The following PPFIBP1 variants were observed in gnomAD, a reference collection of about 807,000 sequenced individuals.
PPFIBP1 encodes the protein liprin-beta-1.
A neutral mutation model predicts 137.8 loss-of-function variants in PPFIBP1; 112 were observed. The observed-to-expected ratio is 0.81, with a 90% CI of 0.70 to 0.95. PPFIBP1 has a LOEUF of 0.95. PPFIBP1 is among the 40% of genes least tolerant of loss of function. The pLI is 0.00. For missense variants in PPFIBP1, 1,083 were observed against 1,196.6 expected (o/e 0.91, Z 1.40); for synonymous variants, 378 against 417.3 (o/e 0.91, Z 1.15).
chr12:27,587,696 A>G (rs2051952602), intron 2 of PPFIBP1, among the ~76,000 whole-genome samples: 2 of 150,886 alleles, frequency 1.3e-5, no homozygotes, highest in Non-Finnish European at 2.9e-5. Flanking sequence ...AGAGATCTAT[A>G]CTACTTATTT....
At chr12:27,640,220 C>G (rs1028848575) in intron 4 of PPFIBP1, among the ~76,000 whole-genome samples, 1 of 152,142 alleles carries the variant, frequency 6.6e-6, no homozygotes, top group African/African-American at 2.4e-5. Flanking sequence ...TCCTAGGCCA[C>G]TGGTATTTGT....
chr12:27,602,843 G>C (rs1181549411), intron 2 of PPFIBP1, among the ~76,000 whole-genome samples: 1 of 152,182 alleles, frequency 6.6e-6, no homozygotes, highest in Non-Finnish European at 1.5e-5. Context: ...ATGACTGCCT[G>C]TGTATAGATA....
chr12:27,689,267 T>G, intron 27 of PPFIBP1, 64 bp downstream of exon 27: 1 of 1,450,450 alleles, frequency 6.9e-7, no homozygotes. Context: ...GTCGGTTACC[T>G]GGTTATTCTG....
chr12:27,673,704 T>C, intron 15 of PPFIBP1, 63 bp from the exon 16 acceptor site: 2 of 1,397,034 alleles, frequency 1.4e-6, no homozygotes, highest in South Asian at 1.2e-5. Flanking sequence ...TTCCAAGATG[T>C]TTTACTTAGA....
intron 2 of PPFIBP1, chr12:27,592,861 T>C (rs2052686871): frequency 1.9e-6 from 1 of 536,338 alleles, no homozygotes; most frequent in East Asian, 3.3e-5. Context: ...CCAAGTAGGC[T>C]GGGTGCGATG....
intron 1 of PPFIBP1, among the ~76,000 whole-genome samples, chr12:27,546,339 G>A (rs1946240529): frequency 6.6e-6 from 1 of 152,126 alleles, no homozygotes; most frequent in South Asian, 2.1e-4. Flanking sequence ...GGGCTTTAAG[G>A]ATCAAATGAG....
At chr12:27,538,537 A>G (rs1215443815) in intron 1 of PPFIBP1, among the ~76,000 whole-genome samples, 2 of 152,260 alleles carry the variant, frequency 1.3e-5, no homozygotes, top group Non-Finnish European at 2.9e-5. Context: ...CTGACTCTCA[A>G]AATGGCTCTT....
chr12:27,682,315 A>T, intron 22 of PPFIBP1, 72 bp from the exon 23 acceptor site: 1 of 1,041,394 alleles, frequency 9.6e-7, no homozygotes, highest in Non-Finnish European at 1.5e-6. Flanking sequence ...CATTTTGGAG[A>T]AATTTGCATC....
chr12:27,682,300 A>G lies in PPFIBP1; in HGVS notation c.2047-87A>G, dbSNP rs1051455844. 9 of 912,936 alleles carry G rather than the reference A, an allele frequency of 9.9e-6. No homozygotes were observed. The African/African-American group carries it at 1.5e-4, about 15-fold the overall frequency. The allele number at this position is 912,936 out of a possible 1,614,324, so 56.6% of individuals were successfully genotyped here. On this transcript the variant is annotated intron_variant, in intron 22 of 29. Transcript: ENST00000228425. ...AGTATTGAATTGGGTCTTTAATGCT[A>G]GCTTCATTTTGGAGAAATTTGCATC...
chr12:27,661,959 AT>A (rs1034303952), intron 11 of PPFIBP1, among the ~76,000 whole-genome samples: 7 of 151,348 alleles, frequency 4.6e-5, no homozygotes, highest in Non-Finnish European at 1.0e-4. Context: ...TGTAACTTTT[AT>A]TTTTTTTTAA....
intron 27 of PPFIBP1, among the ~76,000 whole-genome samples, chr12:27,690,176 A>ATT (rs144276112): frequency 2.7e-5 from 4 of 147,122 alleles, no homozygotes; most frequent in African/African-American, 1.0e-4. Flanking sequence ...TCCTACTCGG[A>ATT]TTTTTTTTTT....
chr12:27,627,705 C>G (rs1312743283), intron 2 of PPFIBP1, among the ~76,000 whole-genome samples: 2 of 152,140 alleles, frequency 1.3e-5, no homozygotes, highest in Non-Finnish European at 2.9e-5. Context: ...ATGCTTTAGC[C>G]ACCACATCCA....
Position 27,692,957 on chromosome 12 carries a change from C to A in PPFIBP1, c.*75C>A. 3 of 1,565,776 alleles carry A rather than the reference C, an allele frequency of 1.9e-6. No individual in the cohort carries two copies. Among genetic ancestry groups the A allele is most frequent in the Non-Finnish European group, 2.6e-6 (3 of 1,156,344 alleles). ...CTTTTCCAAACACTCACAGTATATA[C>A]AACAGGCAGCGGATTGTCTATTGTT... On this transcript the variant is annotated 3_prime_UTR_variant, in exon 30 of 30. Coordinates refer to ENST00000228425, the MANE Select transcript of PPFIBP1 (RefSeq NM_003622.4).
At chr12:27,611,081 A>G (rs2055057450) in intron 2 of PPFIBP1, among the ~76,000 whole-genome samples, 1 of 152,202 alleles carries the variant, frequency 6.6e-6, no homozygotes. Context: ...ATCACTCTGT[A>G]AATGTTTGTT....
In PPFIBP1 at chr12:27,524,361, C is replaced by A. The variant is rs374737096; in HGVS notation, c.-128C>A. ...AACTAGTGCCGGCGGCTCTCCACCCCCCAGGTAAGGGCGTTTTGCTCCACT... is the reference window on the plus strand; with the variant it reads ...AACTAGTGCCGGCGGCTCTCCACCCACCAGGTAAGGGCGTTTTGCTCCACT... On this transcript the variant is annotated 5_prime_UTR_variant, in exon 1 of 30. Coordinates refer to ENST00000228425, the MANE Select transcript of PPFIBP1 (RefSeq NM_003622.4). The A allele has an allele frequency of 3.3e-5, 5 of 152,228 alleles. No individual in the cohort carries two copies. The highest frequency in any genetic ancestry group is 2.1e-4 in the South Asian group (1 of 4,826). 9.4% of individuals were successfully genotyped at this position (152,228 alleles called of 1,614,324 possible). A position where few individuals can be genotyped will look rare whatever the true frequency, so the allele number is the denominator to read the frequency against.
intron 21 of PPFIBP1, 66 bp downstream of exon 21, chr12:27,680,127 G>A: frequency 6.4e-7 from 1 of 1,572,614 alleles, no homozygotes; most frequent in South Asian, 1.2e-5. Flanking sequence ...GAGTCCTGCA[G>A]TATTAGTACT....
chr12:27,644,288 A>T (rs750892232), intron 4 of PPFIBP1, among the ~76,000 whole-genome samples: 1 of 127,342 alleles, frequency 7.9e-6, no homozygotes, highest in East Asian at 2.4e-4. Flanking sequence ...GGGTCTTGCC[A>T]TGTTGCCTAT....
intron 2 of PPFIBP1, among the ~76,000 whole-genome samples, chr12:27,632,007 T>C (rs551350254): frequency 5.9e-5 from 9 of 151,986 alleles, no homozygotes; most frequent in Non-Finnish European, 3.0e-5. Flanking sequence ...CCTAGGTTCA[T>C]AACCTAACTT....
At chr12:27,668,245 C>G (rs966895038) in intron 13 of PPFIBP1, among the ~76,000 whole-genome samples, 1 of 152,156 alleles carries the variant, frequency 6.6e-6, no homozygotes, top group Non-Finnish European at 1.5e-5. Flanking sequence ...TGAAGCTCCT[C>G]AGGTACAGTT....
Sources: gnomAD v4.1 joint callset for allele counts (sites outside exome capture counted in the v4.1 genomes callset) on GRCh38, gnomAD v4.1.1 for gene constraint, MANE v1.5 for transcripts, NCBI Gene and HGNC (gene_info 2026-07-23, HGNC 2026-07-21) for gene names.